The following SPTA1 variants were observed in gnomAD, a reference collection of about 807,000 sequenced individuals.
The protein encoded by SPTA1 is spectrin alpha chain, erythrocytic 1.
In SPTA1, 177 loss-of-function variants were observed where a neutral mutation model predicts 324.7. The ratio of observed to expected loss-of-function variants is 0.55; its 90% CI spans 0.48 to 0.62. The LOEUF (loss-of-function observed/expected upper bound fraction) is 0.62, where lower values mean the gene tolerates loss of function less well. SPTA1 is among the 20% of genes least tolerant of loss of function. The pLI, the probability that SPTA1 is intolerant of heterozygous loss-of-function variation, is 0.00. For missense variants in SPTA1, 3,162 were observed against 2,883.6 expected, an observed-to-expected ratio of 1.10 and a Z score of -2.21; for synonymous variants, 1,195 against 1,041.3, an observed-to-expected ratio of 1.15 and a Z score of -2.84.
At chr1:158,666,610 G>T in intron 15 of SPTA1, 113 bp from the exon 16 acceptor site, 1 of 950,116 alleles carries the variant, frequency 1.1e-6, no homozygotes, top group South Asian at 1.4e-5. Context: ...ATTGCAAAGA[G>T]GGAAATATAA....
At chr1:158,650,865 T>G (rs995178786) in intron 24 of SPTA1, among the ~76,000 whole-genome samples, 1 of 152,220 alleles carries the variant, frequency 6.6e-6, no homozygotes, top group Non-Finnish European at 1.5e-5. Flanking sequence ...AAGAGGAGGT[T>G]TGGATATTGT....
In SPTA1 at chr1:158,634,577, C is replaced by G. The variant is rs371114338; in HGVS notation, c.5531G>C (p.Arg1844Pro). 4 of 1,614,130 alleles carry G rather than the reference C, an allele frequency of 2.5e-6. No individual in the cohort carries two copies. The highest frequency in any genetic ancestry group is 1.7e-5 in the Admixed American group (1 of 60,012). ...WINEKNALAV[R>P]GDCGDTLAAT... ...AGCTAATGTATCTCCACAATCTCCT[C>G]GGACAGCCAAAGCATTCTTTTCATT... The change falls in exon 39 of 52, where the codon CGA becomes CCA. Residue 1844 changes from arginine to proline, a missense_variant. By Grantham distance (103) the Arg-to-Pro change is moderately radical. Coordinates refer to ENST00000643759, the MANE Select transcript of SPTA1 (RefSeq NM_003126.4).
intron 36 of SPTA1, among the ~76,000 whole-genome samples, chr1:158,637,190 G>C (rs554031143): frequency 6.6e-6 from 1 of 152,262 alleles, no homozygotes; most frequent in East Asian, 1.9e-4. Flanking sequence ...GATTTCATAG[G>C]AGTCATGGCA....
intron 35 of SPTA1, chr1:158,639,331 A>T (rs544783198): frequency 1.2e-4 from 66 of 528,942 alleles, no homozygotes; most frequent in Non-Finnish European, 1.8e-4. Flanking sequence ...TCAGTAAAAG[A>T]TAAAAAAGAT....
rs369304211 is a variant in SPTA1, at chr1:158,636,655, C to T, written c.5296G>A (p.Glu1766Lys). ...TCTATTCCTACCTGGATGGCAGGCT[C>T]ATGGGCCACCAGCTCCCCCTCTAGG... is the stretch of plus-strand genomic sequence containing the variant. ...KRLEGELVAH[E>K]PAIQNVLDMA... Residue 1766 changes from glutamate to lysine, a missense_variant, in exon 37 of 52, where the codon GAG becomes AAG. Coordinates refer to ENST00000643759, the MANE Select transcript of SPTA1 (RefSeq NM_003126.4). 9 of 1,613,950 alleles carry T rather than the reference C, an allele frequency of 5.6e-6. No individual in the cohort carries two copies. The highest frequency in any genetic ancestry group is 4.0e-5 in the African/African-American group (3 of 74,904).
chr1:158,620,765 C>A (rs1571380472), intron 43 of SPTA1: 1 of 243,680 alleles, frequency 4.1e-6, no homozygotes, highest in Non-Finnish European at 7.5e-6. Flanking sequence ...CCAAAAGTAG[C>A]AAAGGTAGTT....
Position 158,620,441 on chromosome 1 carries a change from G to C in SPTA1, c.6146C>G (p.Ala2049Gly). Reference sequence around the variant, plus strand: ...GTTGTTCAAAGCTGAAGCCTTATGTGCAAATTCCACGAACAGGTCCTCAGC... The same window carrying C: ...GTTGTTCAAAGCTGAAGCCTTATGTCCAAATTCCACGAACAGGTCCTCAGC... Reference protein sequence around the residue: ...QKAEDLFVEFAHKASALNNWC... With the variant: ...QKAEDLFVEFGHKASALNNWC... Residue 2049 changes from alanine to glycine, a missense_variant, in exon 44 of 52, where the codon GCA becomes GGA. By Grantham distance (60) the Ala-to-Gly change is moderately conservative. Transcript: ENST00000643759. 6.2e-7 allele frequency: 1 copy of C among 1,613,180 alleles called. No individual in the cohort carries two copies. Among genetic ancestry groups the C allele is most frequent in the Non-Finnish European group, 8.5e-7 (1 of 1,180,020 alleles).
chr1:158,647,532 A>T lies in SPTA1; in HGVS notation c.3896+7T>A. 1 of 1,612,418 alleles carries T rather than the reference A, an allele frequency of 6.2e-7. No individual in the cohort carries two copies. The highest frequency in any genetic ancestry group is 8.5e-7 in the Non-Finnish European group (1 of 1,179,740). On this transcript the variant is annotated splice_region_variant and intron_variant, in intron 27 of 51. Coordinates refer to ENST00000643759, the MANE Select transcript of SPTA1 (RefSeq NM_003126.4). ...GCCAGACACGGAAGTTACCCACCCC[A>T]CTCTACCTGGCCTTGCTGAGGAACA... is the stretch of plus-strand genomic sequence containing the variant.
At position 158,611,324 on chromosome 1, in the gene SPTA1, A is replaced by G. The variant is rs201438753; in HGVS notation, c.7200T>C (p.Gly2400=). The G allele has an allele frequency of 1.2e-6, 2 of 1,613,752 alleles. No individual in the cohort carries two copies. Among genetic ancestry groups the G allele is most frequent in the Non-Finnish European group, 1.7e-6 (2 of 1,179,804 alleles). The change falls in exon 52 of 52, where the codon GGT becomes GGC. Residue 2400 remains glycine (G), a synonymous_variant. Transcript: ENST00000643759. ...THMQQYMDPR[G]RSHLSGYDYV... is the part of the protein sequence containing the mutation. ...AGTCATAGCCAGAGAGATGGCTTCG[A>G]CCCCGTGGGTCCATATATTGCTGCA...
At chr1:158,612,543 T>C (rs1649321924) in intron 51 of SPTA1, 1 of 429,210 alleles carries the variant, frequency 2.3e-6, no homozygotes, top group East Asian at 4.9e-5. Context: ...ATAAATGCTC[T>C]TTGAATTAAT....
chr1:158,620,271 C>A lies in SPTA1; in HGVS notation c.6316G>T (p.Asp2106Tyr). The A allele has an allele frequency of 6.2e-7, 1 of 1,614,098 alleles. No individual in the cohort carries two copies. Among genetic ancestry groups the A allele is most frequent in the South Asian group, 1.1e-5 (1 of 91,078 alleles). The change falls in exon 44 of 52, where the codon GAC becomes TAC. Residue 2106 changes from aspartate (D) to tyrosine (Y), a missense_variant. By Grantham distance (160) the Asp-to-Tyr change is radical. Transcript: ENST00000643759. ...QADFKCLLELDQQIKALGVPS... is the reference protein window; with the variant it reads ...QADFKCLLELYQQIKALGVPS... Reference sequence around the variant, plus strand: ...ACACCTAAGGCCTTAATCTGCTGGTCTAGCTCCAGCAAACATTTAAAGTCT... The same window carrying A: ...ACACCTAAGGCCTTAATCTGCTGGTATAGCTCCAGCAAACATTTAAAGTCT...
chr1:158,618,071 C>T lies in SPTA1; in HGVS notation c.6531-15G>A. 6.2e-7 allele frequency: 1 copy of T among 1,609,656 alleles called. No homozygotes were observed. The highest frequency in any genetic ancestry group is 8.5e-7 in the Non-Finnish European group (1 of 1,175,938). On this transcript the variant is annotated splice_polypyrimidine_tract_variant and intron_variant, in intron 45 of 51. Coordinates refer to ENST00000643759, the MANE Select transcript of SPTA1 (RefSeq NM_003126.4). ...GAAAGTAAGCCCTGGACATGGAGGT[C>T]CGGAACAGGAATCACATGAGAGAAA...
rs758771310 is a variant in SPTA1, at chr1:158,651,380, G to A, written c.3464C>T (p.Ala1155Val). ...AGCCTTAGTTACCTGCCGGATTTGA[G>A]CTCCTTCTGGTGTTAGAAGTCCTTC... ...LFEGLLTPEG[A>V]QIRQELNSRW... Residue 1155 changes from alanine (A) to valine (V), a missense_variant, in exon 24 of 52, where the codon GCT becomes GTT. Ala to Val is a moderately conservative substitution (Grantham distance 64, BLOSUM62 0). Coordinates refer to ENST00000643759, the MANE Select transcript of SPTA1 (RefSeq NM_003126.4). 6.2e-7 allele frequency: 1 copy of A among 1,613,200 alleles called. No homozygotes were observed. The highest frequency in any genetic ancestry group is 1.1e-5 in the South Asian group (1 of 91,060).
chr1:158,613,240 GA>G (rs1649363275), intron 50 of SPTA1, among the ~76,000 whole-genome samples: 1 of 152,048 alleles, frequency 6.6e-6, no homozygotes, highest in Non-Finnish European at 1.5e-5. Context: ...GGTGAATTTT[GA>G]AATTTCCCAT....
chr1:158,677,291 G>A (rs1303964449), intron 7 of SPTA1, among the ~76,000 whole-genome samples: 1 of 152,124 alleles, frequency 6.6e-6, no homozygotes, highest in African/African-American at 2.4e-5. Context: ...GATCTACTGA[G>A]TACAAAAAGA....
At chr1:158,682,270 A>G (rs1328075366) in intron 3 of SPTA1, among the ~76,000 whole-genome samples, 4 of 152,124 alleles carry the variant, frequency 2.6e-5, no homozygotes, top group Non-Finnish European at 1.5e-5. Context: ...TATCTTCAAG[A>G]ATCTTATATT....
chr1:158,681,428 A>C (rs1434274043), intron 4 of SPTA1, 99 bp downstream of exon 4: 1 of 1,582,938 alleles, frequency 6.3e-7, no homozygotes, highest in South Asian at 1.1e-5. Flanking sequence ...AGGAACAGAC[A>C]TCCTGACTTC....
At position 158,684,156 on chromosome 1, in the gene SPTA1, G is replaced by A. The variant is rs965514913; in HGVS notation, c.265-660C>T. ...GAAGAGTAGAGAACAGGTATCACAT[G>A]CTATAATTTTAGGTGATCAGAAACG... is the stretch of plus-strand genomic sequence containing the variant. On this transcript the variant is annotated intron_variant, in intron 2 of 51. Transcript: ENST00000643759. Among the ~76,000 whole-genome samples the A allele has an allele frequency of 2.6e-5, 4 of 151,316 alleles. No homozygotes were observed. The East Asian group carries it at 7.8e-4, about 29-fold the overall frequency.
At chr1:158,620,617 T>G in intron 43 of SPTA1, 151 bp from the exon 44 acceptor site, 1 of 898,044 alleles carries the variant, frequency 1.1e-6, no homozygotes, top group Non-Finnish European at 1.7e-6. Context: ...GACTGTGTAC[T>G]TTGATGGTTG....
Sources: allele counts gnomAD v4.1 joint callset (sites outside exome capture counted in the v4.1 genomes callset), GRCh38; gene constraint gnomAD v4.1.1; transcripts MANE v1.5; gene names NCBI Gene and HGNC (gene_info 2026-07-23, HGNC 2026-07-21).